COLQ: variants seen among roughly 807,000 people sequenced by gnomAD.
COLQ encodes the protein acetylcholinesterase collagenic tail peptide.
Under a neutral mutation model 69.0 loss-of-function variants are expected in COLQ, and 48 were observed. That is an observed-to-expected ratio of 0.70 (90% confidence interval 0.55 to 0.88). The LOEUF is 0.88. Ranked by LOEUF, COLQ falls within the 40% of genes least tolerant of loss-of-function variation. The probability of loss-of-function intolerance (pLI) is 0.00; values close to 1 mark genes in which losing one functional copy is unlikely to be tolerated. For missense variants in COLQ, 618 were observed against 594.6 expected (o/e 1.04, Z -0.41); for synonymous variants, 217 against 211.2 (o/e 1.03, Z -0.24).
chr3:15,462,222 G>C lies in COLQ; in HGVS notation c.815-3897C>G, dbSNP rs2062129717. ...TTTTGTATTTTTAGTAGAGATGGGGGTTTCACCATGTTGGCCAGGCTGGTC... is the reference window on the plus strand; with the variant it reads ...TTTTGTATTTTTAGTAGAGATGGGGCTTTCACCATGTTGGCCAGGCTGGTC... On this transcript the variant is annotated intron_variant, in intron 12 of 16. Transcript: ENST00000383788. Among the ~76,000 whole-genome samples, 3 of 151,890 alleles carry C rather than the reference G, an allele frequency of 2.0e-5. No individual in the cohort carries two copies. In the South Asian group the frequency reaches 6.2e-4, roughly 32 times the overall value.
chr3:15,488,068 T>G, intron 3 of COLQ, 138 bp downstream of exon 3: 3 of 662,238 alleles, frequency 4.5e-6, no homozygotes, highest in Non-Finnish European at 7.8e-6. Context: ...CCAAGTGGCT[T>G]TGGAGCAGGA....
At chr3:15,499,144 TA>T (rs2062796484) in intron 1 of COLQ, among the ~76,000 whole-genome samples, 1 of 151,528 alleles carries the variant, frequency 6.6e-6, no homozygotes, top group South Asian at 2.1e-4. Flanking sequence ...TAAACGTAAC[TA>T]AAACAACAAC....
In COLQ at chr3:15,477,231, G is replaced by A. The variant is rs144158633; in HGVS notation, c.394-34C>T. 1.4e-3 allele frequency: 2,126 copies of A among 1,567,464 alleles called. 27 individuals are homozygous for A. The African/African-American group carries it at 0.024, about 18-fold the overall frequency. ...ACCAAGAACAAAAGTCAGGGCAACTGGGTTTGTTTCTTTACTTCTAATAAA... is the reference window on the plus strand; with the variant it reads ...ACCAAGAACAAAAGTCAGGGCAACTAGGTTTGTTTCTTTACTTCTAATAAA... On this transcript the variant is annotated intron_variant, in intron 5 of 16. Transcript: ENST00000383788.
intron 1 of COLQ, among the ~76,000 whole-genome samples, chr3:15,501,926 T>C (rs1018884197): frequency 1.3e-5 from 2 of 152,228 alleles, no homozygotes; most frequent in Non-Finnish European, 2.9e-5. Flanking sequence ...CCTATTACAA[T>C]AGTCTTTAAA....
chr3:15,513,643 C>G (rs2063017792), intron 1 of COLQ, among the ~76,000 whole-genome samples: 1 of 152,208 alleles, frequency 6.6e-6, no homozygotes, highest in Non-Finnish European at 1.5e-5. Flanking sequence ...GAGATCACCT[C>G]CCAAATAAAC....
At chr3:15,518,699 G>A (rs1174614190) in intron 1 of COLQ, among the ~76,000 whole-genome samples, 2 of 152,182 alleles carry the variant, frequency 1.3e-5, no homozygotes, top group African/African-American at 4.8e-5. Flanking sequence ...CTGGCTTACA[G>A]GCCCATGAGA....
chr3:15,461,213 C>G (rs1034123282), intron 12 of COLQ, among the ~76,000 whole-genome samples: 1 of 147,390 alleles, frequency 6.8e-6, no homozygotes, highest in African/African-American at 2.5e-5. Flanking sequence ...CTTAGCCCCT[C>G]TTACCCTCTA....
intron 1 of COLQ, among the ~76,000 whole-genome samples, chr3:15,514,055 G>T (rs923858633): frequency 2.0e-5 from 3 of 152,060 alleles, no homozygotes; most frequent in African/African-American, 7.2e-5. Context: ...GTGGAGAAAG[G>T]GGCCAGGAAC....
At chr3:15,475,308 A>T in intron 7 of COLQ, 117 bp downstream of exon 7, 1 of 1,026,482 alleles carries the variant, frequency 9.7e-7, no homozygotes, top group Non-Finnish European at 1.5e-6. Context: ...GCTCTCCAAT[A>T]TCCGCGACAT....
rs61521157 is a variant in COLQ at position 15,502,113 on chromosome 3, A to ATTT, written c.107-12479_107-12477dup. Among the ~76,000 whole-genome samples, 19 of 128,534 alleles carry ATTT rather than the reference A, an allele frequency of 1.5e-4. 1 individual carries two copies. The highest frequency in any genetic ancestry group is 3.2e-4 in the Admixed American group (4 of 12,608). The allele number at this position is 128,534 out of a possible 152,430, so 84.3% of individuals were successfully genotyped here. On this transcript the variant is annotated intron_variant, in intron 1 of 16. Coordinates refer to ENST00000383788, the MANE Select transcript of COLQ (RefSeq NM_005677.4). ...CTATCTCATCTGCTAACTTGCACTG[A>ATTT]TTTTTTTTTTTTTTTTTTTGAGATG...
At chr3:15,515,333 C>T (rs1412404611) in intron 1 of COLQ, among the ~76,000 whole-genome samples, 1 of 152,164 alleles carries the variant, frequency 6.6e-6, no homozygotes, top group Non-Finnish European at 1.5e-5. Context: ...AGCTCTTCAC[C>T]ATCACACAGT....
At chr3:15,514,113 G>T (rs2063023397) in intron 1 of COLQ, among the ~76,000 whole-genome samples, 1 of 152,144 alleles carries the variant, frequency 6.6e-6, no homozygotes, top group African/African-American at 2.4e-5. Flanking sequence ...GGCAGGAAAT[G>T]GATGCTTCCT....
chr3:15,461,842 G>A (rs921932213), intron 12 of COLQ, among the ~76,000 whole-genome samples: 8 of 151,850 alleles, frequency 5.3e-5, no homozygotes, highest in Admixed American at 1.3e-4. Context: ...TGGGAAACAG[G>A]GTGCAAAACC....
intron 3 of COLQ, among the ~76,000 whole-genome samples, chr3:15,487,739 G>A (rs538022799): frequency 6.6e-6 from 1 of 152,292 alleles, no homozygotes; most frequent in South Asian, 2.1e-4. Flanking sequence ...TTTAGCTTTG[G>A]TGGGGAGGGG....
chr3:15,502,066 C>T (rs2062837472), intron 1 of COLQ, among the ~76,000 whole-genome samples: 1 of 150,604 alleles, frequency 6.6e-6, no homozygotes. Flanking sequence ...AGACTAATCT[C>T]TTGGGAACAA....
chr3:15,520,825 G>A (rs767756482), intron 1 of COLQ, among the ~76,000 whole-genome samples: 2 of 152,074 alleles, frequency 1.3e-5, no homozygotes, highest in African/African-American at 2.4e-5. Context: ...CCTCATACCC[G>A]GCAGACACAC....
intron 3 of COLQ, among the ~76,000 whole-genome samples, chr3:15,482,469 A>C (rs939842433): frequency 6.6e-6 from 1 of 152,188 alleles, no homozygotes; most frequent in Non-Finnish European, 1.5e-5. Flanking sequence ...TGAGATAATT[A>C]TGTGGTTTTT....
chr3:15,486,706 T>C (rs2125134697), intron 3 of COLQ, among the ~76,000 whole-genome samples: 1 of 152,350 alleles, frequency 6.6e-6, no homozygotes, highest in East Asian at 1.9e-4. Context: ...TGGCCAACTC[T>C]GGGTTCAAAG....
intron 13 of COLQ, among the ~76,000 whole-genome samples, chr3:15,457,399 A>G (rs2062040296): frequency 6.6e-6 from 1 of 152,010 alleles, no homozygotes; most frequent in African/African-American, 2.4e-5. Flanking sequence ...TCAAAATAAT[A>G]CAACAGAGAA....
Sources: gnomAD v4.1 joint callset for allele counts (sites outside exome capture counted in the v4.1 genomes callset) on GRCh38, gnomAD v4.1.1 for gene constraint, MANE v1.5 for transcripts, NCBI Gene and HGNC (gene_info 2026-07-23, HGNC 2026-07-21) for gene names.